GPR55: variants seen among roughly 807,000 people sequenced by gnomAD.
The protein encoded by GPR55 is G-protein coupled receptor 55.
In GPR55, 6 loss-of-function variants were observed where a neutral mutation model predicts 7.9. That is an observed-to-expected ratio of 0.76 (90% CI 0.41 to 1.49). The LOEUF is 1.49. GPR55 is among the 40% of genes most tolerant of loss of function. The pLI, the probability that GPR55 is intolerant of heterozygous loss-of-function variation, is 0.01. For missense variants in GPR55, 376 were observed against 406.0 expected (o/e 0.93, Z 0.63); for synonymous variants, 183 against 166.8 (o/e 1.10, Z -0.75).
At chr2:230,922,986 G>A (rs920368586) in intron 1 of GPR55, among the ~76,000 whole-genome samples, 4 of 152,226 alleles carry the variant, frequency 2.6e-5, no homozygotes, top group Non-Finnish European at 4.4e-5. Flanking sequence ...TTACAGGCGT[G>A]AGCCCGAGCA....
At chr2:230,941,352 A>G (rs1691230424) in intron 1 of GPR55, among the ~76,000 whole-genome samples, 1 of 152,194 alleles carries the variant, frequency 6.6e-6, no homozygotes, top group South Asian at 2.1e-4. Context: ...GACAAGCACC[A>G]GAAGTCCCCC....
intron 1 of GPR55, among the ~76,000 whole-genome samples, chr2:230,933,180 G>A (rs1339002397): frequency 6.6e-5 from 4 of 60,266 alleles, no homozygotes; most frequent in Non-Finnish European, 1.0e-4. Flanking sequence ...CCCCTGCCCC[G>A]CCCAGCTCCC....
intron 1 of GPR55, among the ~76,000 whole-genome samples, chr2:230,918,066 G>A (rs1294360858): frequency 6.6e-6 from 1 of 152,230 alleles, no homozygotes; most frequent in East Asian, 1.9e-4. Context: ...GGGAAAAAAT[G>A]TCTTAGGGAA....
chr2:230,957,654 T>C (rs148969226), intron 1 of GPR55: 13 of 541,526 alleles, frequency 2.4e-5, no homozygotes, highest in African/African-American at 2.3e-4. Flanking sequence ...CTCCTAGGCA[T>C]TTCAGGTGTT....
intron 1 of GPR55, among the ~76,000 whole-genome samples, chr2:230,915,968 A>G (rs57418831): frequency 0.087 from 13,280 of 152,226 alleles, 715 homozygotes; most frequent in South Asian, 0.17. Flanking sequence ...GAAAACATCA[A>G]GGTAGAAAAG....
At chr2:230,959,297 A>G (rs1691533625) in intron 1 of GPR55, among the ~76,000 whole-genome samples, 1 of 151,984 alleles carries the variant, frequency 6.6e-6, no homozygotes, top group Admixed American at 6.6e-5. Context: ...AAAATTTAAA[A>G]ATTAGCTGGG....
upstream of GPR55, among the ~76,000 whole-genome samples, chr2:230,926,927 G>A (rs551423872): frequency 7.6e-4 from 116 of 151,934 alleles, no homozygotes; most frequent in Non-Finnish European, 1.1e-3. Flanking sequence ...TCCCGACCTC[G>A]TGATTCACCC....
chr2:230,914,196 G>A (rs1690658852), intron 1 of GPR55, among the ~76,000 whole-genome samples: 1 of 152,212 alleles, frequency 6.6e-6, no homozygotes. Flanking sequence ...ACAACGGGAG[G>A]AAAGTGATCT....
chr2:230,921,074 G>T (rs1331667205), intron 1 of GPR55, among the ~76,000 whole-genome samples: 1 of 152,054 alleles, frequency 6.6e-6, no homozygotes, highest in Non-Finnish European at 1.5e-5. Flanking sequence ...AAAAAGAATT[G>T]AGAAAGTAAC....
Position 230,910,537 on chromosome 2 carries a change from G to A in GPR55, c.426C>T (p.Cys142=). 6.2e-7 allele frequency: 1 copy of A among 1,614,172 alleles called. No individual in the cohort carries two copies. Among genetic ancestry groups the A allele is most frequent in the Non-Finnish European group, 8.5e-7 (1 of 1,179,998 alleles). The change falls in exon 2 of 2, where the codon TGC becomes TGT. Residue 142 remains cysteine (C), a synonymous_variant. Transcript: ENST00000650999. This position sits in a 1 kb window ranked among gnomAD's most constrained non-coding sequence, Gnocchi z 5.4. Reference sequence around the variant, plus strand: ...TCCACACCAGGACCCAGATGGTGCAGCAGATCCCAAAGATCTTCCTGGGGG... The same window carrying A: ...TCCACACCAGGACCCAGATGGTGCAACAGATCCCAAAGATCTTCCTGGGGG... The part of the protein sequence containing the change: ...LRSPRKIFGI[C]CTIWVLVWTG...
intron 1 of GPR55, among the ~76,000 whole-genome samples, chr2:230,942,681 G>C (rs1178910842): frequency 6.6e-6 from 1 of 152,102 alleles, no homozygotes; most frequent in African/African-American, 2.4e-5. Flanking sequence ...GGGGGCTGCA[G>C]GGTGGCAGGG....
At chr2:230,916,162 C>T (rs991759227) in intron 1 of GPR55, among the ~76,000 whole-genome samples, 1 of 151,974 alleles carries the variant, frequency 6.6e-6, no homozygotes, top group Non-Finnish European at 1.5e-5. Flanking sequence ...GCACTCGAGC[C>T]CAGGAGTTTG....
Position 230,910,047 on chromosome 2 carries a change from T to C in GPR55, c.916A>G (p.Arg306Gly), listed in dbSNP as rs749523837. 5 of 1,614,102 alleles carry C rather than the reference T, an allele frequency of 3.1e-6. No individual in the cohort carries two copies. In the East Asian group the frequency reaches 1.1e-4, roughly 36 times the overall value. Residue 306 changes from arginine (R) to glycine (G), a missense_variant, in exon 2 of 2, where the codon AGG (arginine) becomes GGG (glycine). Coordinates refer to ENST00000650999, the MANE Select transcript of GPR55 (RefSeq NM_005683.4). The surrounding 1 kb of genome is among the most constrained non-coding windows in gnomAD (Gnocchi z 5.4). ...RMNIRAHRPS[R>G]VQLVLQDTTI... ...GTGTCCTGCAGGACCAGCTGGACCC[T>C]GGAAGGCCGGTGGGCCCTGATGTTC...
At chr2:230,930,080 G>A (rs1691010657), upstream of GPR55, among the ~76,000 whole-genome samples, 1 of 152,166 alleles carries the variant, frequency 6.6e-6, no homozygotes, top group Admixed American at 6.5e-5. Flanking sequence ...GGGCCTTGGG[G>A]CCAGGAGTCA....
At chr2:230,921,050 A>AT (rs201652256) in intron 1 of GPR55, among the ~76,000 whole-genome samples, 17 of 150,528 alleles carry the variant, frequency 1.1e-4, no homozygotes, top group African/African-American at 2.7e-4. Flanking sequence ...GGACAAAGTA[A>AT]TTTTTTTTTT....
At chr2:230,914,283 G>T (rs558562301) in intron 1 of GPR55, among the ~76,000 whole-genome samples, 1 of 152,262 alleles carries the variant, frequency 6.6e-6, no homozygotes, top group Admixed American at 6.5e-5. Flanking sequence ...ACACAATTTG[G>T]CCATCAGTAT....
chr2:230,957,046 T>C lies in GPR55; in HGVS notation c.-135+3729A>G, dbSNP rs1209618413. Among the ~76,000 whole-genome samples the C allele has an allele frequency of 2.0e-5, 3 of 152,186 alleles. No homozygotes were observed. In the East Asian group the frequency reaches 5.8e-4, roughly 29 times the overall value. ...TCTTCCACCCACGAATGTAATGCCT[T>C]TTTCGTCTTAACTAAGCACTTATCA... On this transcript the variant is annotated intron_variant, in intron 1 of 1. Coordinates refer to the GPR55 transcript ENST00000392039.
At chr2:230,933,746 C>T (rs925193149) in intron 1 of GPR55, among the ~76,000 whole-genome samples, 10 of 152,302 alleles carry the variant, frequency 6.6e-5, no homozygotes, top group African/African-American at 1.7e-4. Context: ...TGGAAGTCAG[C>T]GTCTCCAGGA....
intron 1 of GPR55, among the ~76,000 whole-genome samples, chr2:230,945,644 C>T (rs1193976591): frequency 2.6e-5 from 4 of 152,230 alleles, no homozygotes; most frequent in African/African-American, 9.6e-5. Context: ...ACTATCTCGG[C>T]TCACTGCAAG....
Sources: gnomAD v4.1 joint callset for allele counts (sites outside exome capture counted in the v4.1 genomes callset) on GRCh38, gnomAD v4.1.1 for gene constraint, Gnocchi (gnomAD v3.1) non-coding constraint, MANE v1.5 for transcripts, NCBI Gene and HGNC (gene_info 2026-07-23, HGNC 2026-07-21) for gene names.